PTPRT: variants seen among roughly 807,000 people sequenced by gnomAD.
PTPRT encodes the protein receptor-type tyrosine-protein phosphatase T.
In PTPRT, 56 loss-of-function variants were observed where a neutral mutation model predicts 176.8. The ratio of observed to expected loss-of-function variants is 0.32; its 90% confidence interval spans 0.26 to 0.40. PTPRT has a LOEUF of 0.40. PTPRT is among the 10% of genes least tolerant of loss of function. The pLI is 1.00. For synonymous variants in PTPRT, 783 were observed against 739.0 expected (o/e 1.06, Z -0.96); for missense variants, 1,540 against 1,908.2 (o/e 0.81, Z 3.60).
chr20:42,088,428 A>G (rs1034395678), intron 27 of PTPRT, among the ~76,000 whole-genome samples: 1 of 152,180 alleles, frequency 6.6e-6, no homozygotes, highest in Non-Finnish European at 1.5e-5. Flanking sequence ...GAGAAGTCAC[A>G]TGTGAAAATA....
chr20:42,845,519 C>T (rs934084154), intron 2 of PTPRT, among the ~76,000 whole-genome samples: 10 of 152,112 alleles, frequency 6.6e-5, no homozygotes, highest in South Asian at 2.1e-4. Flanking sequence ...GAGTTTTCTA[C>T]GAATGCTCCA....
chr20:42,849,661 A>G (rs1465761128), intron 2 of PTPRT, among the ~76,000 whole-genome samples: 1 of 152,198 alleles, frequency 6.6e-6, no homozygotes, highest in Non-Finnish European at 1.5e-5. Flanking sequence ...ATCTTGGGGA[A>G]AAGTCACTTA....
At chr20:42,875,672 CTG>C in intron 2 of PTPRT, among the ~76,000 whole-genome samples, 1 of 152,158 alleles carries the variant, frequency 6.6e-6, no homozygotes, top group Non-Finnish European at 1.5e-5. Context: ...AAAACTAACT[CTG>C]AATACAGTGG....
chr20:43,109,795 A>C (rs561490704), intron 1 of PTPRT, among the ~76,000 whole-genome samples: 14 of 152,312 alleles, frequency 9.2e-5, no homozygotes, highest in Admixed American at 7.2e-4. Flanking sequence ...AAGGAGTTGG[A>C]GAAACAGCAC....
intron 1 of PTPRT, among the ~76,000 whole-genome samples, chr20:43,181,705 T>C (rs973310922): frequency 5.3e-5 from 8 of 152,212 alleles, no homozygotes; most frequent in Non-Finnish European, 1.0e-4. Context: ...TTTACCCTGC[T>C]GTATGCCAGT....
intron 7 of PTPRT, among the ~76,000 whole-genome samples, chr20:42,474,048 C>T (rs768378445): frequency 7.9e-5 from 12 of 152,150 alleles, no homozygotes; most frequent in Non-Finnish European, 1.6e-4. Flanking sequence ...GCAGTTAGAA[C>T]TCAAACTTAA....
chr20:42,341,174 C>G (rs1195659771), intron 11 of PTPRT, among the ~76,000 whole-genome samples: 1 of 152,156 alleles, frequency 6.6e-6, no homozygotes, highest in East Asian at 1.9e-4. Flanking sequence ...TTTCTACACT[C>G]TCCCTGCTTT....
intron 1 of PTPRT, among the ~76,000 whole-genome samples, chr20:42,993,405 G>A (rs574995001): frequency 3.6e-5 from 5 of 138,368 alleles, no homozygotes; most frequent in African/African-American, 1.5e-4. Flanking sequence ...GTGACACAGC[G>A]AGACTCTGTC....
chr20:42,617,809 A>C lies in PTPRT; in HGVS notation c.1153+60057T>G, dbSNP rs374936815. On this transcript the variant is annotated intron_variant, in intron 7 of 30. Transcript: ENST00000373187. The stretch of plus-strand genomic sequence containing the variant: ...TATCCCCTTTATCATTTTTTATTGC[A>C]TCTATTTGATTCTTCTCTCTTTTTT... Among the ~76,000 whole-genome samples the C allele has an allele frequency of 4.4e-5, 6 of 137,340 alleles. No individual in the cohort carries two copies. In the East Asian group the frequency reaches 1.2e-3, roughly 27 times the overall value. 90.1% of individuals were successfully genotyped at this position (137,340 alleles called of 152,430 possible). A position where few individuals can be genotyped will look rare whatever the true frequency, so the allele number is the denominator to read the frequency against.
At chr20:42,763,153 C>G (rs766504029) in intron 5 of PTPRT, among the ~76,000 whole-genome samples, 7 of 152,222 alleles carry the variant, frequency 4.6e-5, no homozygotes, top group Non-Finnish European at 1.0e-4. Context: ...GTCTGATTAT[C>G]TATCAAGGTT....
At chr20:42,232,757 TGCCCAGGACTTTCTGATCTTTCAGGTA>T (rs2146842081) in intron 15 of PTPRT, among the ~76,000 whole-genome samples, 1 of 148,886 alleles carries the variant, frequency 6.7e-6, no homozygotes, top group African/African-American at 2.5e-5. Context: ...ACTAAATCTT[TGCCCAGGACTTTCTGATCTTTCAGGTA>T]GCCAGTATCA....
chr20:43,058,662 C>T (rs573767859), intron 1 of PTPRT, among the ~76,000 whole-genome samples: 1 of 152,242 alleles, frequency 6.6e-6, no homozygotes, highest in South Asian at 2.1e-4. Context: ...GAGATGGAAA[C>T]CAGGAATAAC....
chr20:42,217,404 CACACACACACACACACACACAG>C (rs1467994164), intron 15 of PTPRT, among the ~76,000 whole-genome samples: 48 of 132,752 alleles, frequency 3.6e-4, no homozygotes, highest in Non-Finnish European at 5.0e-4. Flanking sequence ...CACACACACA[CACACACACACACACACACACAG>C]AACATTACGT....
chr20:42,488,389 T>C (rs187672703), intron 7 of PTPRT, among the ~76,000 whole-genome samples: 50 of 152,348 alleles, frequency 3.3e-4, no homozygotes, highest in African/African-American at 1.1e-3. Flanking sequence ...CCCACATTCA[T>C]CCAACCTTTG....
At position 42,944,367 on chromosome 20, in the gene PTPRT, G is replaced by A. The variant is rs368678329; in HGVS notation, c.89-58435C>T. Among the ~76,000 whole-genome samples, 5 of 152,194 alleles carry A rather than the reference G, an allele frequency of 3.3e-5. No individual in the cohort carries two copies. In the East Asian group the frequency reaches 5.8e-4, roughly 18 times the overall value. ...TCCCACTCACGAAGCTCTCCAAACC[G>A]TTCTTCCTCCCAATAGCAGTGACAC... On this transcript the variant is annotated intron_variant, in intron 1 of 30. Transcript: ENST00000373187.
At chr20:42,571,211 G>A (rs1482938494) in intron 7 of PTPRT, among the ~76,000 whole-genome samples, 1 of 152,108 alleles carries the variant, frequency 6.6e-6, no homozygotes, top group Non-Finnish European at 1.5e-5. Flanking sequence ...AAGATGACAG[G>A]GAAATAATAA....
chr20:42,711,996 A>ACC (rs2076151584), intron 6 of PTPRT, among the ~76,000 whole-genome samples: 1 of 152,030 alleles, frequency 6.6e-6, no homozygotes, highest in Non-Finnish European at 1.5e-5. Context: ...ATGCCTGGAT[A>ACC]ACCCAACATT....
chr20:42,853,344 G>A (rs1025677424), intron 2 of PTPRT, among the ~76,000 whole-genome samples: 1 of 152,196 alleles, frequency 6.6e-6, no homozygotes. Context: ...AAGTCCCCCA[G>A]TATGCTGTCT....
At chr20:42,867,570 G>C (rs889079177) in intron 2 of PTPRT, among the ~76,000 whole-genome samples, 4 of 151,754 alleles carry the variant, frequency 2.6e-5, no homozygotes, top group African/African-American at 9.7e-5. Flanking sequence ...ACCAATGACA[G>C]AGGCAAAGAC....
Sources: allele counts gnomAD v4.1 joint callset (sites outside exome capture counted in the v4.1 genomes callset), GRCh38; gene constraint gnomAD v4.1.1; transcripts MANE v1.5; gene names NCBI Gene and HGNC (gene_info 2026-07-23, HGNC 2026-07-21).